Variants in HCFC2 observed in about 807,000 individuals in gnomAD.
HCFC2 encodes the protein host cell factor 2.
In HCFC2, 18 loss-of-function variants were observed where a neutral mutation model predicts 89.2. That is an observed-to-expected ratio of 0.20 (90% confidence interval 0.14 to 0.30). The LOEUF (loss-of-function observed/expected upper bound fraction) is 0.30. Among genes scored for constraint, HCFC2 ranks in the 10% least tolerant of loss-of-function variants. HCFC2 has a pLI of 1.00. For missense variants in HCFC2, 578 were observed against 956.1 expected (o/e 0.60, Z 5.21); for synonymous variants, 308 against 335.7 (o/e 0.92, Z 0.90).
chr12:104,084,911 C>T (rs1883790065), intron 7 of HCFC2, among the ~76,000 whole-genome samples: 2 of 152,068 alleles, frequency 1.3e-5, no homozygotes, highest in Non-Finnish European at 2.9e-5. Flanking sequence ...TTTACTGAGA[C>T]AGGGAAGATT....
chr12:104,080,867 T>A (rs1187252132), intron 5 of HCFC2, 37 bp downstream of exon 5: 13 of 1,324,852 alleles, frequency 9.8e-6, no homozygotes, highest in Admixed American at 2.1e-5. Flanking sequence ...CTGTTTTTTT[T>A]AAAAAAACAA....
intron 9 of HCFC2, among the ~76,000 whole-genome samples, chr12:104,088,654 G>C (rs1260693892): frequency 6.6e-6 from 1 of 152,060 alleles, no homozygotes; most frequent in Non-Finnish European, 1.5e-5. Flanking sequence ...GTAGGTATTG[G>C]CTCATACGTT....
rs1883871197 is a variant in HCFC2 at position 104,086,964 on chromosome 12, T to G, written c.1181T>G (p.Leu394Trp). 7 of 1,613,986 alleles carry G rather than the reference T, an allele frequency of 4.3e-6. No homozygotes were observed. Among genetic ancestry groups the G allele is most frequent in the Non-Finnish European group, 5.9e-6 (7 of 1,179,960 alleles). ...TATCTTTTGCAGTTGAGTACAGACT[T>G]GCCATACCAAGCTGCATCATCAGAT... ...EGYLLQLSTDLPYQAASSDSS... is the reference protein window; with the variant it reads ...EGYLLQLSTDWPYQAASSDSS... Residue 394 changes from leucine to tryptophan, a missense_variant, in exon 8 of 15, where the codon TTG (leucine) becomes TGG (tryptophan). Leu to Trp is a moderately conservative substitution (Grantham distance 61). Transcript: ENST00000229330.
At chr12:104,080,239 C>T (rs1883644214) in intron 4 of HCFC2, among the ~76,000 whole-genome samples, 1 of 152,126 alleles carries the variant, frequency 6.6e-6, no homozygotes, top group African/African-American at 2.4e-5. Context: ...ATACAGTCAT[C>T]CCTCGGTATC....
chr12:104,104,442 A>G lies in HCFC2; in HGVS notation c.*1169A>G, dbSNP rs1024434349. On this transcript the variant is annotated 3_prime_UTR_variant, in exon 15 of 15. Transcript: ENST00000229330. ...TAGGAATTTCATGGTTCCACTGCCTATTTAAATCTGGAATTAATATACAGA... is the reference window on the plus strand; with the variant it reads ...TAGGAATTTCATGGTTCCACTGCCTGTTTAAATCTGGAATTAATATACAGA... The G allele has an allele frequency of 1.3e-5, 2 of 152,062 alleles. No homozygotes were observed. The highest frequency in any genetic ancestry group is 4.8e-5 in the African/African-American group (2 of 41,460). The allele number at this position is 152,062 out of a possible 1,614,324, so 9.4% of individuals were successfully genotyped here.
chr12:104,070,114 C>T (rs1566224597), intron 3 of HCFC2, among the ~76,000 whole-genome samples: 1 of 152,156 alleles, frequency 6.6e-6, no homozygotes, highest in Non-Finnish European at 1.5e-5. Context: ...GCTCCGCCTC[C>T]TGGGTTCACG....
chr12:104,082,118 C>A (rs1883704940), intron 5 of HCFC2, among the ~76,000 whole-genome samples: 1 of 152,086 alleles, frequency 6.6e-6, no homozygotes, highest in South Asian at 2.1e-4. Flanking sequence ...GAAATTTAAT[C>A]CTCTTCGGTT....
At chr12:104,085,091 G>A (rs1393294540) in intron 7 of HCFC2, among the ~76,000 whole-genome samples, 11 of 152,116 alleles carry the variant, frequency 7.2e-5, no homozygotes, top group South Asian at 4.1e-4. Flanking sequence ...ATTATAAAAC[G>A]TATAATGACT....
intron 7 of HCFC2, among the ~76,000 whole-genome samples, chr12:104,084,253 A>G (rs755002754): frequency 6.6e-6 from 1 of 152,212 alleles, no homozygotes; most frequent in Non-Finnish European, 1.5e-5. Context: ...GGTTAACAAA[A>G]TAAGTTCAGT....
intron 7 of HCFC2, among the ~76,000 whole-genome samples, chr12:104,085,356 A>G (rs960782281): frequency 2.0e-5 from 3 of 152,220 alleles, no homozygotes; most frequent in Admixed American, 6.5e-5. Context: ...AAAAATATAG[A>G]AAATTCAACT....
rs773269246 is a variant in HCFC2 at position 104,103,263 on chromosome 12, C to T, written c.2369C>T (p.Pro790Leu). 1.9e-6 allele frequency: 3 copies of T among 1,605,532 alleles called. No homozygotes were observed. In the Admixed American group the frequency reaches 5.0e-5, roughly 27 times the overall value. ...CTTCAAGGTAACAATAAGAAAGCAC[C>T]TTTAAATTGAATTGGTTTTTTTACT... is the stretch of plus-strand genomic sequence containing the variant. ...RWLQGNNKKAPLN is the reference protein window; with the variant it reads ...RWLQGNNKKALLN Residue 790 changes from proline to leucine, a missense_variant, in exon 15 of 15, where the codon CCT (proline) becomes CTT (leucine). Physicochemically the swap from Pro to Leu is moderately conservative, Grantham distance 98. Transcript: ENST00000229330.
At chr12:104,081,599 A>AT (rs1488725291) in intron 5 of HCFC2, among the ~76,000 whole-genome samples, 1 of 146,860 alleles carries the variant, frequency 6.8e-6, no homozygotes, top group African/African-American at 2.6e-5. Context: ...TTTAGAACCT[A>AT]GTTTTTTTTT....
chr12:104,066,682 G>T lies in HCFC2; in HGVS notation c.312+367G>T, dbSNP rs968607586. Among the ~76,000 whole-genome samples, 8 of 152,210 alleles carry T rather than the reference G, an allele frequency of 5.3e-5. No individual in the cohort carries two copies. The South Asian group carries it at 8.3e-4, about 16-fold the overall frequency. ...ACTTTAGCCTGCAACAGGAGCGCCT[G>T]GAGAACCTGTGAAAACACAGATTGC... is the stretch of plus-strand genomic sequence containing the variant. On this transcript the variant is annotated intron_variant, in intron 2 of 14. Transcript: ENST00000229330.
chr12:104,083,799 G>T (rs1405687363), intron 7 of HCFC2, among the ~76,000 whole-genome samples: 1 of 152,198 alleles, frequency 6.6e-6, no homozygotes, highest in Non-Finnish European at 1.5e-5. Context: ...GCTGAGGCAG[G>T]AGGATTGCTT....
Position 104,068,324 on chromosome 12 carries a change from C to CA in HCFC2, c.473+224dup, listed in dbSNP as rs576460450. Among the ~76,000 whole-genome samples, 19 of 151,860 alleles carry CA rather than the reference C, an allele frequency of 1.3e-4. No individual in the cohort carries two copies. In the South Asian group the frequency reaches 2.7e-3, roughly 22 times the overall value. On this transcript the variant is annotated intron_variant, in intron 3 of 14. Transcript: ENST00000229330. The surrounding 1 kb of genome is among the most constrained non-coding windows in gnomAD (Gnocchi z 4.1). ...CTTCAGAAAGCATTGGAGCTAAAAA[C>CA]AAAAAAACTGTGTCTTTCTAATGAG...
At chr12:104,102,374 A>G (rs2136631395) in intron 14 of HCFC2, among the ~76,000 whole-genome samples, 1 of 152,242 alleles carries the variant, frequency 6.6e-6, no homozygotes, top group Admixed American at 6.5e-5. Context: ...ACAAAGGTAA[A>G]TGAGTGTCAT....
chr12:104,072,163 G>T (rs1370608596), intron 3 of HCFC2, among the ~76,000 whole-genome samples: 5 of 152,152 alleles, frequency 3.3e-5, no homozygotes, highest in Non-Finnish European at 4.4e-5. Context: ...ACTTGACCCA[G>T]AAGTATGAGA....
intron 3 of HCFC2, among the ~76,000 whole-genome samples, chr12:104,070,180 G>A (rs1392630884): frequency 6.6e-6 from 1 of 151,880 alleles, no homozygotes; most frequent in Non-Finnish European, 1.5e-5. Flanking sequence ...CCACCACCAC[G>A]CCCTGCTAAT....
At chr12:104,080,458 G>A in intron 4 of HCFC2, 1 of 254,580 alleles carries the variant, frequency 3.9e-6, no homozygotes, top group Non-Finnish European at 7.5e-6. Context: ...AAGAAGACAT[G>A]TGCAGTGCAG....
Sources: gnomAD v4.1 joint callset for allele counts (sites outside exome capture counted in the v4.1 genomes callset) on GRCh38, gnomAD v4.1.1 for gene constraint, Gnocchi (gnomAD v3.1) non-coding constraint, MANE v1.5 for transcripts, NCBI Gene and HGNC (gene_info 2026-07-23, HGNC 2026-07-21) for gene names.